NUP88: variants seen among roughly 807,000 people sequenced by gnomAD.
NUP88 encodes the protein nucleoporin 88, also known as nuclear pore complex protein Nup88.
A neutral mutation model predicts 93.9 loss-of-function variants in NUP88; 57 were observed. The ratio of observed to expected loss-of-function variants is 0.61; its 90% CI spans 0.49 to 0.76. The LOEUF (loss-of-function observed/expected upper bound fraction) is 0.76. NUP88 is among the 30% of genes least tolerant of loss of function. The pLI, the probability that NUP88 is intolerant of heterozygous loss-of-function variation, is 0.00. For synonymous variants in NUP88, 346 were observed against 336.8 expected (o/e 1.03, Z -0.30); for missense variants, 911 against 901.0 (o/e 1.01, Z -0.14).
At chr17:5,401,873 G>C (rs1175826246) in intron 7 of NUP88, among the ~76,000 whole-genome samples, 1 of 152,202 alleles carries the variant, frequency 6.6e-6, no homozygotes, top group Non-Finnish European at 1.5e-5. Flanking sequence ...AAATTTGTTA[G>C]ATACCACCCT....
intron 11 of NUP88, 158 bp downstream of exon 11, chr17:5,388,644 C>T (rs1394286806): frequency 1.1e-5 from 7 of 628,692 alleles, no homozygotes; most frequent in Non-Finnish European, 1.8e-5. Flanking sequence ...CCACTTCCCT[C>T]CTGCTCCCCA....
intron 10 of NUP88, among the ~76,000 whole-genome samples, chr17:5,390,163 CAAAA>C (rs34058484): frequency 1.1e-5 from 1 of 89,098 alleles, no homozygotes; most frequent in Non-Finnish European, 2.3e-5. Flanking sequence ...AACTCCGTCT[CAAAA>C]AAAAAAAAAA....
At chr17:5,399,018 A>G (rs1912973211) in intron 8 of NUP88, among the ~76,000 whole-genome samples, 1 of 151,546 alleles carries the variant, frequency 6.6e-6, no homozygotes, top group Non-Finnish European at 1.5e-5. Flanking sequence ...TCTCCCGAGT[A>G]GCTGGGACTA....
rs140953073 is a variant in NUP88 at position 5,407,136 on chromosome 17, G to T, written c.857+1597C>A. Reference sequence around the variant, plus strand: ...TCTGCCAAGGAGAATGCACTCAACAGTGAATCCTCACCATTCTGTAACCTA... The same window carrying T: ...TCTGCCAAGGAGAATGCACTCAACATTGAATCCTCACCATTCTGTAACCTA... On this transcript the variant is annotated intron_variant, in intron 5 of 16. Coordinates refer to ENST00000573584, the MANE Select transcript of NUP88 (RefSeq NM_002532.6). Among the ~76,000 whole-genome samples the T allele has an allele frequency of 4.4e-3, 677 of 152,306 alleles. 5 individuals are homozygous for T. Among genetic ancestry groups the T allele is most frequent in the African/African-American group, 0.016 (654 of 41,554 alleles).
At chr17:5,400,800 A>G (rs1427495059) in intron 7 of NUP88, among the ~76,000 whole-genome samples, 1 of 152,204 alleles carries the variant, frequency 6.6e-6, no homozygotes, top group Non-Finnish European at 1.5e-5. Context: ...GTAAGGTGTG[A>G]AATGAGAAGT....
At chr17:5,386,323 G>A (rs1206326598) in intron 16 of NUP88, 54 bp from the exon 17 acceptor site, 1 of 1,318,920 alleles carries the variant, frequency 7.6e-7, no homozygotes, top group Non-Finnish European at 1.1e-6. Flanking sequence ...CATTTATATG[G>A]ATTCTTAAGA....
Position 5,387,122 on chromosome 17 carries a change from G to A in NUP88, c.1917-12C>T. 6.2e-7 allele frequency: 1 copy of A among 1,612,068 alleles called. No homozygotes were observed. Among genetic ancestry groups the A allele is most frequent in the South Asian group, 1.1e-5 (1 of 90,582 alleles). On this transcript the variant is annotated splice_polypyrimidine_tract_variant and intron_variant, in intron 14 of 16. Transcript: ENST00000573584. ...GTAGTTTTTTCATCCTTTAGAAAAGGCAAGCAAACATCTCAATTTAAGGTC... is the reference window on the plus strand; with the variant it reads ...GTAGTTTTTTCATCCTTTAGAAAAGACAAGCAAACATCTCAATTTAAGGTC...
At position 5,419,542 on chromosome 17, in the gene NUP88, T is replaced by C. The variant is rs201351645; in HGVS notation, c.109A>G (p.Thr37Ala). ...LREGLKNQSPTEAEKPASSSL... is the reference protein window; with the variant it reads ...LREGLKNQSPAEAEKPASSSL... The stretch of plus-strand genomic sequence containing the variant: ...GAAGAAGCTGGTTTCTCAGCTTCGG[T>C]TGGACTCTGGTTTTTCAGTCCCTCC... Residue 37 changes from threonine (T) to alanine (A), a missense_variant, in exon 1 of 17, where the codon ACC (threonine) becomes GCC (alanine). By Grantham distance (58) the Thr-to-Ala change is moderately conservative. Transcript: ENST00000573584. The C allele has an allele frequency of 1.7e-5, 28 of 1,613,452 alleles. 1 individual carries two copies. The Admixed American group carries it at 3.8e-4, about 22-fold the overall frequency.
chr17:5,403,972 TA>T (rs938439711), intron 7 of NUP88, 126 bp downstream of exon 7: 95 of 958,220 alleles, frequency 9.9e-5, no homozygotes, highest in Non-Finnish European at 1.3e-4. Context: ...ACTAAAAAGC[TA>T]AAAAAAACCC....
At chr17:5,388,607 ACACTTCCTGTTTATCATTCTCAGGTGC>A (rs1912207696) in intron 11 of NUP88, 168 bp downstream of exon 11, 1 of 519,216 alleles carries the variant, frequency 1.9e-6, no homozygotes, top group African/African-American at 2.0e-5. Context: ...TTCTTTTTAA[ACACTTCCTGTTTATCATTCTCAGGTGC>A]CACTTCCCTC....
At chr17:5,398,600 T>TGC (rs1296830781) in intron 8 of NUP88, among the ~76,000 whole-genome samples, 1 of 145,748 alleles carries the variant, frequency 6.9e-6, no homozygotes, top group Non-Finnish European at 1.5e-5. Context: ...CTAACTTTTT[T>TGC]TTTTTTTTGA....
chr17:5,413,094 C>T (rs1913933072), intron 3 of NUP88, among the ~76,000 whole-genome samples: 1 of 152,258 alleles, frequency 6.6e-6, no homozygotes, highest in African/African-American at 2.4e-5. Flanking sequence ...CTTCCTACCT[C>T]AGTCTCCTGA....
chr17:5,404,916 CTTT>C, intron 6 of NUP88, 138 bp downstream of exon 6: 1 of 795,590 alleles, frequency 1.3e-6, no homozygotes, highest in East Asian at 2.7e-5. Context: ...GCTTCAGCTA[CTTT>C]TTTAACTGTT....
At chr17:5,402,075 G>C (rs1364377873) in intron 7 of NUP88, among the ~76,000 whole-genome samples, 1 of 152,056 alleles carries the variant, frequency 6.6e-6, no homozygotes, top group Non-Finnish European at 1.5e-5. Context: ...CCAGCACTGT[G>C]GGAGGCCAAG....
At chr17:5,398,992 C>T (rs188343780) in intron 8 of NUP88, among the ~76,000 whole-genome samples, 240 of 151,132 alleles carry the variant, frequency 1.6e-3, no homozygotes, top group African/African-American at 5.7e-3. Context: ...AGGTTCACAC[C>T]ATTCTCCTGC....
intron 7 of NUP88, among the ~76,000 whole-genome samples, chr17:5,402,050 T>C (rs57085931): frequency 0.44 from 66,453 of 152,044 alleles, 15,283 homozygotes; most frequent in East Asian, 0.84. Flanking sequence ...GGCATGGTGG[T>C]TTATGCCTAA....
Position 5,387,982 on chromosome 17 carries a change from G to C in NUP88, c.1644-78C>G, listed in dbSNP as rs1478354351. 12 of 1,428,706 alleles carry C rather than the reference G, an allele frequency of 8.4e-6. No individual in the cohort carries two copies. The East Asian group carries it at 2.7e-4, about 32-fold the overall frequency. The allele number at this position is 1,428,706 out of a possible 1,614,324, so 88.5% of individuals were successfully genotyped here. A position where few individuals can be genotyped will look rare whatever the true frequency, so the allele number is the denominator to read the frequency against. ...AAATAAATAGACTCAAGTCACAGGTGCTTTTTAAACTTTTTATATTTTTAA... is the reference window on the plus strand; with the variant it reads ...AAATAAATAGACTCAAGTCACAGGTCCTTTTTAAACTTTTTATATTTTTAA... On this transcript the variant is annotated intron_variant, in intron 11 of 16. Coordinates refer to ENST00000573584, the MANE Select transcript of NUP88 (RefSeq NM_002532.6).
chr17:5,409,676 TAG>T (rs1597328168), intron 4 of NUP88, among the ~76,000 whole-genome samples: 2 of 152,110 alleles, frequency 1.3e-5, no homozygotes, highest in South Asian at 4.1e-4. Flanking sequence ...TCCTGCCCTC[TAG>T]AGAGAGAAAT....
At chr17:5,417,523 G>A (rs988949189) in intron 1 of NUP88, among the ~76,000 whole-genome samples, 1 of 152,046 alleles carries the variant, frequency 6.6e-6, no homozygotes, top group African/African-American at 2.4e-5. Flanking sequence ...CCCAGCCCCT[G>A]CCTTGGAGCT....
Sources: gnomAD v4.1 joint callset for allele counts (sites outside exome capture counted in the v4.1 genomes callset) on GRCh38, gnomAD v4.1.1 for gene constraint, MANE v1.5 for transcripts, NCBI Gene and HGNC (gene_info 2026-07-23, HGNC 2026-07-21) for gene names.